The following CCDC7 variants were observed in gnomAD, a reference collection of about 807,000 sequenced individuals.
CCDC7 encodes the protein coiled-coil domain-containing protein 7.
Under a neutral mutation model 196.9 loss-of-function variants are expected in CCDC7, and 183 were observed. That is an observed-to-expected ratio of 0.93 (90% CI 0.82 to 1.05). The LOEUF (loss-of-function observed/expected upper bound fraction) is 1.05. CCDC7 is among the 50% of genes least tolerant of loss of function. The probability of loss-of-function intolerance (pLI) is 0.00; values close to 1 mark genes in which losing one functional copy is unlikely to be tolerated. For missense variants in CCDC7, 1,540 were observed against 1,482.2 expected (o/e 1.04, Z -0.64); for synonymous variants, 525 against 484.6 (o/e 1.08, Z -1.10).
At chr10:32,620,873 T>C (rs534542386) in intron 18 of CCDC7, among the ~76,000 whole-genome samples, 2 of 152,340 alleles carry the variant, frequency 1.3e-5, no homozygotes, top group East Asian at 1.9e-4. Context: ...TCCTTCACGA[T>C]TGTAAATATG....
intron 28 of CCDC7, among the ~76,000 whole-genome samples, chr10:32,737,191 G>A (rs190422373): frequency 4.7e-4 from 71 of 152,158 alleles, no homozygotes; most frequent in Admixed American, 1.4e-3. Flanking sequence ...TGAATGTTGC[G>A]TACCTGGGAT....
rs994729363 is a variant in CCDC7 at position 32,705,282 on chromosome 10, G to A, written c.2459-6338G>A. ...CAAGCAAGTAGTGAGAGATTTTGTC[G>A]CCACCAGGCCTGCCTTACAAAAGCT... On this transcript the variant is annotated intron_variant, in intron 24 of 41. Coordinates refer to ENST00000639629, the Ensembl canonical transcript of CCDC7. Among the ~76,000 whole-genome samples the A allele has an allele frequency of 5.9e-5, 9 of 151,950 alleles. No individual in the cohort carries two copies. The South Asian group carries it at 6.2e-4, about 11-fold the overall frequency.
chr10:32,513,702 G>T (rs1039014910), intron 9 of CCDC7: 1 of 152,128 alleles, frequency 6.6e-6, no homozygotes, highest in Non-Finnish European at 1.5e-5. Flanking sequence ...TAAAATGCAG[G>T]TATCAATTTA....
chr10:32,725,151 G>A (rs1204392085), intron 25 of CCDC7, among the ~76,000 whole-genome samples: 1 of 151,964 alleles, frequency 6.6e-6, no homozygotes, highest in Non-Finnish European at 1.5e-5. Flanking sequence ...TTTAATTTTA[G>A]TGTCTAAGGG....
intron 32 of CCDC7, among the ~76,000 whole-genome samples, chr10:32,830,806 G>A (rs887966951): frequency 1.3e-5 from 2 of 152,078 alleles, no homozygotes; most frequent in African/African-American, 2.4e-5. Flanking sequence ...AAGAAATTAT[G>A]GCTGAAATTT....
At chr10:32,714,772 G>A (rs1464581696) in intron 25 of CCDC7, among the ~76,000 whole-genome samples, 3 of 152,188 alleles carry the variant, frequency 2.0e-5, no homozygotes, top group Non-Finnish European at 4.4e-5. Context: ...TGTAAACAAA[G>A]CTGCTGGGAA....
At chr10:32,748,438 C>T (rs2075157867) in intron 28 of CCDC7, among the ~76,000 whole-genome samples, 1 of 152,144 alleles carries the variant, frequency 6.6e-6, no homozygotes, top group South Asian at 2.1e-4. Context: ...TCTGACAATT[C>T]CAACATCCCT....
In CCDC7 at chr10:32,591,625, A is replaced by G. The variant is rs951015913; in HGVS notation, c.1801+7321A>G. Reference sequence around the variant, plus strand: ...TATTAATAGATACACAAAAAATAAAAGTGAGTAATTACTACATTGCCACCA... The same window carrying G: ...TATTAATAGATACACAAAAAATAAAGGTGAGTAATTACTACATTGCCACCA... On this transcript the variant is annotated intron_variant, in intron 18 of 41. Transcript: ENST00000639629. Among the ~76,000 whole-genome samples the G allele has an allele frequency of 2.6e-5, 4 of 152,316 alleles. No individual in the cohort carries two copies. In the South Asian group the frequency reaches 8.3e-4, roughly 32 times the overall value.
In CCDC7 at chr10:32,463,135, A is replaced by G. The variant is rs146678326; in HGVS notation, c.510+86A>G. 1,656 of 1,520,630 alleles carry G rather than the reference A, an allele frequency of 1.1e-3. 14 individuals are homozygous for G. In the African/African-American group the frequency reaches 0.021, roughly 19 times the overall value. The allele number at this position is 1,520,630 out of a possible 1,614,324, so 94.2% of individuals were successfully genotyped here. A position where few individuals can be genotyped will look rare whatever the true frequency, so the allele number is the denominator to read the frequency against. On this transcript the variant is annotated intron_variant, in intron 5 of 41. Transcript: ENST00000639629. ...TGGATTATGTATAAGTTAAGTATGTATAAGTCATTTTTGAATAACTGTTGG... is the reference window on the plus strand; with the variant it reads ...TGGATTATGTATAAGTTAAGTATGTGTAAGTCATTTTTGAATAACTGTTGG...
At chr10:32,600,051 T>C (rs1273055193) in intron 18 of CCDC7, among the ~76,000 whole-genome samples, 1 of 152,172 alleles carries the variant, frequency 6.6e-6, no homozygotes, top group Non-Finnish European at 1.5e-5. Context: ...ATTATAACTT[T>C]GTATACTCTT....
At chr10:32,642,126 G>C (rs182957171) in intron 20 of CCDC7, among the ~76,000 whole-genome samples, 1 of 152,198 alleles carries the variant, frequency 6.6e-6, no homozygotes, top group Admixed American at 6.5e-5. Flanking sequence ...CAGTCTGTCC[G>C]TTCTCAGATC....
chr10:32,734,467 G>C (rs964288878), intron 28 of CCDC7, among the ~76,000 whole-genome samples: 3 of 152,098 alleles, frequency 2.0e-5, no homozygotes, highest in Admixed American at 1.3e-4. Flanking sequence ...AGGGAGAGGA[G>C]CAGAAAAGGT....
chr10:32,702,897 G>A (rs1005133412), intron 24 of CCDC7, among the ~76,000 whole-genome samples: 2 of 151,984 alleles, frequency 1.3e-5, no homozygotes, highest in African/African-American at 4.8e-5. Flanking sequence ...TTTACTTTGA[G>A]CCTATGTGTG....
chr10:32,719,741 A>G (rs1309122315), intron 25 of CCDC7, among the ~76,000 whole-genome samples: 1 of 152,232 alleles, frequency 6.6e-6, no homozygotes, highest in Non-Finnish European at 1.5e-5. Flanking sequence ...AAAAGAAGAC[A>G]TTTATGCAGC....
At chr10:32,840,451 G>C (rs2092904386) in intron 33 of CCDC7, among the ~76,000 whole-genome samples, 1 of 151,958 alleles carries the variant, frequency 6.6e-6, no homozygotes, top group Non-Finnish European at 1.5e-5. Context: ...GATTAAACCA[G>C]GAAGGTATAG....
intron 18 of CCDC7, among the ~76,000 whole-genome samples, chr10:32,612,599 A>G (rs1428204743): frequency 3.3e-5 from 5 of 152,062 alleles, no homozygotes; most frequent in African/African-American, 9.7e-5. Flanking sequence ...TTCCATCCAT[A>G]CCTAGTTTAT....
At chr10:32,728,006 C>T (rs533505017) in intron 26 of CCDC7, among the ~76,000 whole-genome samples, 1 of 152,278 alleles carries the variant, frequency 6.6e-6, no homozygotes, top group Non-Finnish European at 1.5e-5. Flanking sequence ...GTGGTAGGTT[C>T]ATCATGGGTA....
chr10:32,709,242 G>T (rs1467183654), intron 24 of CCDC7, among the ~76,000 whole-genome samples: 1 of 147,776 alleles, frequency 6.8e-6, no homozygotes, highest in Non-Finnish European at 1.5e-5. Context: ...AACACCACAT[G>T]TTCTCACTCA....
In CCDC7 at chr10:32,826,556, C is replaced by T. The variant is rs2091150938; in HGVS notation, c.3268+1952C>T. ...ATTGGGCTTGAGCAGGTCCTGAAGG[C>T]ACAAGCAAGTTACATGAGGAAGTGG... On this transcript the variant is annotated intron_variant, in intron 32 of 41. Coordinates refer to ENST00000639629, the Ensembl canonical transcript of CCDC7. 2.6e-5 allele frequency among the ~76,000 whole-genome samples: 4 copies of T among 152,318 alleles called. 1 individual carries two copies. In the Middle Eastern group the frequency reaches 0.014, roughly 518 times the overall value.
Sources: allele counts gnomAD v4.1 joint callset (sites outside exome capture counted in the v4.1 genomes callset), GRCh38; gene constraint gnomAD v4.1.1; transcripts MANE v1.5; gene names NCBI Gene and HGNC (gene_info 2026-07-23, HGNC 2026-07-21).